The following ATG10 variants were observed in gnomAD, a reference collection of about 807,000 sequenced individuals.
The protein encoded by ATG10 is ubiquitin-like-conjugating enzyme ATG10.
Under a neutral mutation model 32.1 loss-of-function variants are expected in ATG10, and 30 were observed. The ratio of observed to expected loss-of-function variants is 0.94; its 90% CI spans 0.70 to 1.27. The LOEUF (loss-of-function observed/expected upper bound fraction) is 1.27. Ranked by LOEUF, ATG10 falls within the 50% of genes most tolerant of loss-of-function variation. The pLI is 0.00. For missense variants in ATG10, 233 were observed against 262.3 expected, an observed-to-expected ratio of 0.89 and a Z score of 0.77; for synonymous variants, 87 against 91.5, an observed-to-expected ratio of 0.95 and a Z score of 0.28.
chr5:82,011,128 A>T (rs1762116385), intron 2 of ATG10, among the ~76,000 whole-genome samples: 1 of 152,142 alleles, frequency 6.6e-6, no homozygotes, highest in Admixed American at 6.5e-5. Flanking sequence ...AAGTTCTATA[A>T]ATCTCAAACT....
At chr5:82,226,201 C>T (rs189197251) in intron 5 of ATG10, among the ~76,000 whole-genome samples, 64 of 152,238 alleles carry the variant, frequency 4.2e-4, no homozygotes, top group Non-Finnish European at 7.6e-4. Context: ...GAACATCAAA[C>T]CTTTTAATTA....
intron 3 of ATG10, among the ~76,000 whole-genome samples, chr5:82,086,843 C>T (rs1465002596): frequency 6.6e-6 from 1 of 152,100 alleles, no homozygotes; most frequent in African/African-American, 2.4e-5. Flanking sequence ...AATCATTTCA[C>T]TGGATATTTC....
At chr5:82,248,928 A>T (rs954973906) in intron 5 of ATG10, among the ~76,000 whole-genome samples, 5 of 151,816 alleles carry the variant, frequency 3.3e-5, no homozygotes, top group Non-Finnish European at 7.4e-5. Context: ...ATAAGGTCTC[A>T]GTATAGTAAA....
At chr5:82,233,388 A>G (rs1746439234) in intron 5 of ATG10, among the ~76,000 whole-genome samples, 1 of 152,198 alleles carries the variant, frequency 6.6e-6, no homozygotes, top group Non-Finnish European at 1.5e-5. Flanking sequence ...GTTAATTTAA[A>G]CTGAAAAATA....
At chr5:82,190,250 A>G (rs1744604519) in intron 5 of ATG10, among the ~76,000 whole-genome samples, 1 of 152,120 alleles carries the variant, frequency 6.6e-6, no homozygotes, top group African/African-American at 2.4e-5. Context: ...ATCATAAAGA[A>G]GAATTATTCA....
At chr5:82,178,776 T>G (rs974325858) in intron 5 of ATG10, among the ~76,000 whole-genome samples, 189 bp downstream of exon 5, 1 of 152,066 alleles carries the variant, frequency 6.6e-6, no homozygotes, top group Admixed American at 6.6e-5. Flanking sequence ...GCCACCCTAT[T>G]ATAAGCTCTC....
At chr5:82,093,857 G>C (rs1057034947) in intron 3 of ATG10, among the ~76,000 whole-genome samples, 1 of 152,118 alleles carries the variant, frequency 6.6e-6, no homozygotes, top group African/African-American at 2.4e-5. Flanking sequence ...TAGTCTAGGG[G>C]TTATTTTGCC....
intron 3 of ATG10, chr5:82,111,561 C>A (rs575792316): frequency 6.6e-6 from 1 of 151,844 alleles, no homozygotes; most frequent in African/African-American, 2.4e-5. Flanking sequence ...AAAAATTTTT[C>A]TTTTTTGGTG....
chr5:82,022,114 G>A (rs1762458167), intron 2 of ATG10, among the ~76,000 whole-genome samples: 1 of 150,110 alleles, frequency 6.7e-6, no homozygotes, highest in African/African-American at 2.4e-5. Context: ...ACTTGAACCT[G>A]GGAGGTGGAG....
At chr5:82,148,215 A>G (rs1010825097) in intron 3 of ATG10, 1 of 152,178 alleles carries the variant, frequency 6.6e-6, no homozygotes, top group African/African-American at 2.4e-5. Context: ...ATAAAATACT[A>G]TTTGGCCCTT....
At chr5:82,068,535 C>A (rs1431446593) in intron 3 of ATG10, among the ~76,000 whole-genome samples, 1 of 151,320 alleles carries the variant, frequency 6.6e-6, no homozygotes, top group Non-Finnish European at 1.5e-5. Flanking sequence ...GCACATGTAT[C>A]CCAGAACTTA....
chr5:82,054,356 G>A (rs1484166670), intron 2 of ATG10, among the ~76,000 whole-genome samples: 1 of 152,200 alleles, frequency 6.6e-6, no homozygotes, highest in African/African-American at 2.4e-5. Flanking sequence ...GAATCAGGAG[G>A]TCTGGGGTGA....
intron 4 of ATG10, among the ~76,000 whole-genome samples, chr5:82,174,308 T>G (rs1013437145): frequency 6.6e-6 from 1 of 152,158 alleles, no homozygotes; most frequent in African/African-American, 2.4e-5. Flanking sequence ...AAGCTATATT[T>G]ACCCAGACCT....
chr5:82,093,310 A>G (rs938020493), intron 3 of ATG10, among the ~76,000 whole-genome samples: 2 of 152,262 alleles, frequency 1.3e-5, no homozygotes, highest in East Asian at 3.9e-4. Context: ...TTTTTTCTCT[A>G]ACATTTCATT....
At chr5:82,034,914 CTAT>C (rs527437686) in intron 2 of ATG10, among the ~76,000 whole-genome samples, 2 of 151,890 alleles carry the variant, frequency 1.3e-5, no homozygotes, top group South Asian at 2.1e-4. Flanking sequence ...ATTTGTTTAT[CTAT>C]TATTATTATT....
intron 2 of ATG10, among the ~76,000 whole-genome samples, chr5:82,034,795 T>G (rs1762859292): frequency 6.6e-6 from 1 of 152,224 alleles, no homozygotes; most frequent in African/African-American, 2.4e-5. Context: ...TCTTCATATC[T>G]GTGCTCAAAT....
intron 2 of ATG10, among the ~76,000 whole-genome samples, chr5:82,041,514 G>A (rs1219415305): frequency 1.3e-5 from 2 of 152,286 alleles, no homozygotes; most frequent in East Asian, 3.9e-4. Flanking sequence ...AGACCTTAGA[G>A]TACTTAGGTA....
intron 3 of ATG10, among the ~76,000 whole-genome samples, chr5:82,131,939 C>T (rs1419615683): frequency 6.6e-6 from 1 of 151,942 alleles, no homozygotes; most frequent in Non-Finnish European, 1.5e-5. Context: ...AGGCATGTCA[C>T]ATGGCAAAGC....
At chr5:82,251,579 GT>G (rs1474886217) in intron 5 of ATG10, among the ~76,000 whole-genome samples, 2 of 152,192 alleles carry the variant, frequency 1.3e-5, no homozygotes, top group Non-Finnish European at 2.9e-5. Context: ...GCACTCGGCA[GT>G]TTCTCACGGG....
Sources: allele counts gnomAD v4.1 joint callset (sites outside exome capture counted in the v4.1 genomes callset), GRCh38; gene constraint gnomAD v4.1.1; transcripts MANE v1.5; gene names NCBI Gene and HGNC (gene_info 2026-07-23, HGNC 2026-07-21).